AHNAK: variants seen among roughly 807,000 people sequenced by gnomAD.
The protein encoded by AHNAK is AHNAK nucleoprotein.
In AHNAK, 23 loss-of-function variants were observed where a neutral mutation model predicts 37.8. That is an observed-to-expected ratio of 0.61 (90% CI 0.44 to 0.86). The LOEUF is 0.86. Among genes scored for constraint, AHNAK ranks in the 40% least tolerant of loss-of-function variants. The pLI, the probability that AHNAK is intolerant of heterozygous loss-of-function variation, is 0.00. For synonymous variants in AHNAK, 2,481 were observed against 2,636.3 expected (o/e 0.94, Z 1.80); for missense variants, 7,411 against 7,319.4 (o/e 1.01, Z -0.46).
At chr11:62,501,285 C>T (rs1939707562) in intron 4 of AHNAK, among the ~76,000 whole-genome samples, 1 of 152,118 alleles carries the variant, frequency 6.6e-6, no homozygotes, top group Non-Finnish European at 1.5e-5. Context: ...AAGAACTTTG[C>T]CTGCCAGGCA....
rs1308004014 is a variant in AHNAK, at chr11:62,525,233, C to T, written c.9184G>A (p.Val3062Ile). 3.1e-6 allele frequency: 5 copies of T among 1,611,562 alleles called. No individual in the cohort carries two copies. Among genetic ancestry groups the T allele is most frequent in the South Asian group, 2.2e-5 (2 of 90,988 alleles). Residue 3062 changes from valine to isoleucine, a missense_variant, in exon 5 of 5, where the codon GTT becomes ATT. Val to Ile is a conservative substitution (Grantham distance 29). Coordinates refer to ENST00000378024, the MANE Select transcript of AHNAK (RefSeq NM_001620.3). ...DVSGPKVDIDVPDVNIEGPEG... is the reference protein window; with the variant it reads ...DVSGPKVDIDIPDVNIEGPEG... Reference sequence around the variant, plus strand: ...GGGCCTTCGATATTCACATCTGGAACATCAATGTCCACCTTGGGTCCTGAG... The same window carrying T: ...GGGCCTTCGATATTCACATCTGGAATATCAATGTCCACCTTGGGTCCTGAG...
chr11:62,460,987 ATT>A (rs58443970), intron 5 of AHNAK, among the ~76,000 whole-genome samples: 2 of 103,634 alleles, frequency 1.9e-5, no homozygotes, highest in Non-Finnish European at 1.8e-5. Flanking sequence ...GGCCTGGCTA[ATT>A]TTTTTTTTTT....
rs753958638 is a variant in AHNAK, at chr11:62,522,302, C to T, written c.12115G>A (p.Gly4039Ser). The T allele has an allele frequency of 3.3e-5, 53 of 1,613,086 alleles. No homozygotes were observed. Among genetic ancestry groups the T allele is most frequent in the Non-Finnish European group, 4.2e-5 (49 of 1,179,838 alleles). Residue 4039 changes from glycine to serine, a missense_variant, in exon 5 of 5, where the codon GGC (glycine) becomes AGC (serine). Transcript: ENST00000378024. ...DLKAPEVDIK[G>S]PKVDIDAPDV... is the part of the protein sequence containing the mutation. ...GGGGCATCAATGTCCACTTTGGGGC[C>T]CTTGATGTCAACTTCAGGGGCCTTT...
chr11:62,496,831 A>G (rs774600093), intron 4 of AHNAK, among the ~76,000 whole-genome samples: 4 of 150,774 alleles, frequency 2.7e-5, no homozygotes, highest in Non-Finnish European at 4.4e-5. Context: ...AAGAAGAAAG[A>G]AAGGAAGGAA....
At chr11:62,437,651 GC>G (rs1938204317) in intron 5 of AHNAK, among the ~76,000 whole-genome samples, 1 of 152,162 alleles carries the variant, frequency 6.6e-6, no homozygotes. Flanking sequence ...GAACCACCAC[GC>G]CCAGCCCAAA....
At chr11:62,453,094 A>G (rs1409118038) in intron 5 of AHNAK, among the ~76,000 whole-genome samples, 1 of 152,158 alleles carries the variant, frequency 6.6e-6, no homozygotes, top group Non-Finnish European at 1.5e-5. Context: ...TGCCCAAAAC[A>G]AAGTCGTATG....
intron 5 of AHNAK, among the ~76,000 whole-genome samples, chr11:62,461,542 G>A (rs1278101776): frequency 6.6e-6 from 1 of 152,112 alleles, no homozygotes; most frequent in Non-Finnish European, 1.5e-5. Flanking sequence ...TTAGAGAAGG[G>A]CCAAGCCTAA....
intron 5 of AHNAK, among the ~76,000 whole-genome samples, chr11:62,478,769 AAAGAG>A (rs1307463466): frequency 6.6e-6 from 1 of 150,918 alleles, no homozygotes; most frequent in African/African-American, 2.4e-5. Context: ...AAAAAAAAAA[AAAGAG>A]AGAGAAAAGA....
At chr11:62,443,376 G>A (rs903039783) in intron 5 of AHNAK, among the ~76,000 whole-genome samples, 4 of 151,426 alleles carry the variant, frequency 2.6e-5, no homozygotes, top group East Asian at 1.9e-4. Flanking sequence ...GGGTTCAAGC[G>A]ATTCTCCTGC....
intron 5 of AHNAK, among the ~76,000 whole-genome samples, chr11:62,453,499 A>AC (rs1938584957): frequency 6.6e-6 from 1 of 152,072 alleles, no homozygotes; most frequent in African/African-American, 2.4e-5. Flanking sequence ...GCTTAGAAAC[A>AC]CCCCAGGAGA....
chr11:62,484,607 G>A (rs1166929402), intron 5 of AHNAK, among the ~76,000 whole-genome samples: 1 of 152,110 alleles, frequency 6.6e-6, no homozygotes, highest in Non-Finnish European at 1.5e-5. Context: ...GAGCCCCTGT[G>A]GCCAGAGCTC....
chr11:62,452,425 G>T (rs555908742), intron 5 of AHNAK, among the ~76,000 whole-genome samples: 3 of 152,296 alleles, frequency 2.0e-5, no homozygotes, highest in Admixed American at 1.3e-4. Context: ...TCTATGCTGT[G>T]ATTCCACAGG....
rs373687534 is a variant in AHNAK at position 62,535,953 on chromosome 11, A to G, written c.146T>C (p.Val49Ala). The G allele has an allele frequency of 2.5e-6, 4 of 1,609,988 alleles. No homozygotes were observed. Among genetic ancestry groups the G allele is most frequent in the Non-Finnish European group, 3.4e-6 (4 of 1,178,834 alleles). ...QNSPAARTGVVKEGDQIVGAT... is the reference protein window; with the variant it reads ...QNSPAARTGVAKEGDQIVGAT... ...ACCCTGGGGTGACTCACCCTCCTTG[A>G]CCACCCCAGTGCGGGCCGCAGGGGA... Residue 49 changes from valine to alanine, a missense_variant, in exon 3 of 5, where the codon GTC becomes GCC. Physicochemically the swap from Val to Ala is moderately conservative, Grantham distance 64. Coordinates refer to ENST00000378024, the MANE Select transcript of AHNAK (RefSeq NM_001620.3).
chr11:62,526,026 G>A lies in AHNAK; in HGVS notation c.8391C>T (p.Val2797=). 1 of 1,613,564 alleles carries A rather than the reference G, an allele frequency of 6.2e-7. No homozygotes were observed. Among genetic ancestry groups the A allele is most frequent in the Non-Finnish European group, 8.5e-7 (1 of 1,179,926 alleles). The change falls in exon 5 of 5, where the codon GTC becomes GTT. Residue 2797 remains valine, a synonymous_variant. Coordinates refer to ENST00000378024, the MANE Select transcript of AHNAK (RefSeq NM_001620.3). ...DVNLPKADID[V]SGPKVDVECP... ...ATTCAACATCCACTTTCGGTCCTGA[G>A]ACATCAATGTCAGCCTTGGGCAGGT...
rs920089992 is a variant in AHNAK at position 62,516,468 on chromosome 11, C to A, written c.*276G>T. On this transcript the variant is annotated 3_prime_UTR_variant, in exon 5 of 5. Coordinates refer to ENST00000378024, the MANE Select transcript of AHNAK (RefSeq NM_001620.3). ...TTGCTTAGTAAACAGGAGCTCTCAGCAGTCAATGCAAAAAAATATATATAT... is the reference window on the plus strand; with the variant it reads ...TTGCTTAGTAAACAGGAGCTCTCAGAAGTCAATGCAAAAAAATATATATAT... The A allele has an allele frequency of 1.4e-5, 18 of 1,308,934 alleles. No homozygotes were observed. The African/African-American group carries it at 2.2e-4, about 16-fold the overall frequency. 81.1% of individuals were successfully genotyped at this position (1,308,934 alleles called of 1,614,324 possible). A position where few individuals can be genotyped will look rare whatever the true frequency, so the allele number is the denominator to read the frequency against.
rs1333651847 is a variant in AHNAK, at chr11:62,444,543, C to G, written c.443-10652G>C. 2.6e-5 allele frequency among the ~76,000 whole-genome samples: 4 copies of G among 152,270 alleles called. No individual in the cohort carries two copies. The East Asian group carries it at 7.7e-4, about 29-fold the overall frequency. The stretch of plus-strand genomic sequence containing the variant: ...CGTGCCCCGCCCGGCAGCTGCTCGC[C>G]CTCCAGGATGTCCGCGCCGTGGGGA... On this transcript the variant is annotated intron_variant, in intron 5 of 5. Transcript: ENST00000257247.
At chr11:62,500,221 G>A (rs151099720) in intron 4 of AHNAK, among the ~76,000 whole-genome samples, 1 of 152,162 alleles carries the variant, frequency 6.6e-6, no homozygotes, top group Non-Finnish European at 1.5e-5. Flanking sequence ...CTCACAAAAC[G>A]AGGACCGTAG....
At chr11:62,442,692 G>A (rs775715145) in intron 5 of AHNAK, among the ~76,000 whole-genome samples, 10 of 151,948 alleles carry the variant, frequency 6.6e-5, no homozygotes, top group Non-Finnish European at 1.2e-4. Context: ...CCAACATGGC[G>A]AAACCCATCT....
At position 62,523,834 on chromosome 11, in the gene AHNAK, C is replaced by A. The variant is rs750139030; in HGVS notation, c.10583G>T (p.Gly3528Val). The A allele has an allele frequency of 2.1e-5, 34 of 1,614,066 alleles. No homozygotes were observed. The highest frequency in any genetic ancestry group is 1.6e-4 in the Middle Eastern group (1 of 6,082). The change falls in exon 5 of 5, where the codon GGT becomes GTT. Residue 3528 changes from glycine to valine, a missense_variant. Coordinates refer to ENST00000378024, the MANE Select transcript of AHNAK (RefSeq NM_001620.3). The part of the protein sequence containing the change: ...NVEGPEGGLK[G>V]PKFKMPDMNI... ...CATGTCAGGCATCTTGAATTTGGGA[C>A]CTTTCAAGCCTCCCTCCGGACCTTC...
Sources: allele counts gnomAD v4.1 joint callset (sites outside exome capture counted in the v4.1 genomes callset), GRCh38; gene constraint gnomAD v4.1.1; transcripts MANE v1.5; gene names NCBI Gene and HGNC (gene_info 2026-07-23, HGNC 2026-07-21).